Variants in KIF13B observed in about 807,000 individuals in gnomAD.
KIF13B encodes kinesin family member 13B, also known as kinesin-like protein KIF13B.
In KIF13B, 127 loss-of-function variants were observed where a neutral mutation model predicts 222.0. The ratio of observed to expected loss-of-function variants is 0.57; its 90% confidence interval spans 0.50 to 0.66. KIF13B has a LOEUF of 0.66. KIF13B is among the 30% of genes least tolerant of loss of function. The pLI is 0.00. For synonymous variants in KIF13B, 976 were observed against 919.0 expected, an observed-to-expected ratio of 1.06 and a Z score of -1.12; for missense variants, 2,173 against 2,379.0, an observed-to-expected ratio of 0.91 and a Z score of 1.80.
At chr8:29,229,017 T>A (rs1234706778) in intron 2 of KIF13B, among the ~76,000 whole-genome samples, 2 of 149,164 alleles carry the variant, frequency 1.3e-5, no homozygotes, top group Non-Finnish European at 3.0e-5. Flanking sequence ...TCTATGGTTG[T>A]TGAATGAATT....
intron 10 of KIF13B, among the ~76,000 whole-genome samples, chr8:29,170,067 C>T (rs1311770549): frequency 6.6e-6 from 1 of 152,198 alleles, no homozygotes; most frequent in Non-Finnish European, 1.5e-5. Context: ...TTAAAAATGA[C>T]CTCATGCCAT....
chr8:29,155,394 G>A (rs2130062920), intron 14 of KIF13B, among the ~76,000 whole-genome samples: 1 of 152,312 alleles, frequency 6.6e-6, no homozygotes, highest in South Asian at 2.1e-4. Context: ...CTGAGGAGGA[G>A]GAGATAAACT....
chr8:29,079,309 G>A (rs570472446), intron 37 of KIF13B, among the ~76,000 whole-genome samples: 2 of 152,058 alleles, frequency 1.3e-5, no homozygotes, highest in African/African-American at 2.4e-5. Flanking sequence ...TGCAACTGCA[G>A]GGAGCAGCGC....
rs201417472 is a variant in KIF13B, at chr8:29,176,050, GA to G, written c.945+17del. On this transcript the variant is annotated intron_variant, in intron 10 of 39. Transcript: ENST00000524189. ...AACCACCAAAAGTATGCCAGGAAGG[GA>G]AAAAAAACAAACTTACTTTGAGCAG... 14 of 1,488,526 alleles carry G rather than the reference GA, an allele frequency of 9.4e-6. No individual in the cohort carries two copies. The highest frequency in any genetic ancestry group is 3.4e-5 in the Admixed American group (2 of 58,822). The allele number at this position is 1,488,526 out of a possible 1,614,324, so 92.2% of individuals were successfully genotyped here.
chr8:29,082,115 G>A (rs1476843373), intron 37 of KIF13B, among the ~76,000 whole-genome samples: 1 of 152,212 alleles, frequency 6.6e-6, no homozygotes, highest in Non-Finnish European at 1.5e-5. Flanking sequence ...GGTAGGCACT[G>A]GGGGTGCAGT....
intron 3 of KIF13B, among the ~76,000 whole-genome samples, chr8:29,191,997 C>T (rs1269670683): frequency 3.3e-5 from 5 of 152,168 alleles, no homozygotes; most frequent in Non-Finnish European, 7.3e-5. Context: ...TGTTAGTTTG[C>T]AGGTACATCT....
intron 1 of KIF13B, among the ~76,000 whole-genome samples, chr8:29,253,327 G>C (rs773942607): frequency 6.6e-6 from 1 of 151,784 alleles, no homozygotes; most frequent in African/African-American, 2.4e-5. Context: ...CTGGGCAACA[G>C]AGCAAGACCC....
At chr8:29,214,552 T>C (rs531960795) in intron 2 of KIF13B, among the ~76,000 whole-genome samples, 3 of 152,304 alleles carry the variant, frequency 2.0e-5, no homozygotes, top group East Asian at 1.9e-4. Context: ...CCTTCTTTTG[T>C]AGTAACTCCT....
chr8:29,206,065 G>A (rs1355741552), intron 2 of KIF13B, among the ~76,000 whole-genome samples: 3 of 152,026 alleles, frequency 2.0e-5, no homozygotes, highest in East Asian at 1.9e-4. Context: ...AACTCTAGTC[G>A]GGATAACAGA....
chr8:29,113,410 T>G (rs1236345993), intron 32 of KIF13B, 53 bp downstream of exon 32: 1 of 1,091,120 alleles, frequency 9.2e-7, no homozygotes, highest in African/African-American at 1.6e-5. Context: ...TTTCAGGGAG[T>G]TGGCTCTTTT....
chr8:29,255,723 T>C (rs1320917752), intron 1 of KIF13B, among the ~76,000 whole-genome samples: 1 of 152,228 alleles, frequency 6.6e-6, no homozygotes, highest in Admixed American at 6.5e-5. Flanking sequence ...CAATACCAAT[T>C]AATTCGTTTC....
intron 12 of KIF13B, among the ~76,000 whole-genome samples, chr8:29,163,073 C>T (rs1811851303): frequency 6.6e-6 from 1 of 152,188 alleles, no homozygotes; most frequent in African/African-American, 2.4e-5. Flanking sequence ...GTTTTGATTT[C>T]ACTTAAGTGT....
chr8:29,131,007 A>G (rs1810318636), intron 23 of KIF13B, among the ~76,000 whole-genome samples: 1 of 152,204 alleles, frequency 6.6e-6, no homozygotes, highest in Non-Finnish European at 1.5e-5. Flanking sequence ...AAACAAAATC[A>G]TATCCCTTGC....
rs1165365147 is a variant in KIF13B at position 29,069,973 on chromosome 8, G to A, written c.*531C>T. On this transcript the variant is annotated 3_prime_UTR_variant, in exon 40 of 40. Transcript: ENST00000524189. ...GGCACTTGTGGAACCTGGGACCAGG[G>A]TGGGAGGCTGGGGGGTCCCCCAGAG... is the stretch of plus-strand genomic sequence containing the variant. The A allele has an allele frequency of 6.4e-6, 1 of 155,240 alleles. No individual in the cohort carries two copies. Among genetic ancestry groups the A allele is most frequent in the Non-Finnish European group, 1.4e-5 (1 of 70,612 alleles). The allele number at this position is 155,240 out of a possible 1,614,324, so 9.6% of individuals were successfully genotyped here. A position where few individuals can be genotyped will look rare whatever the true frequency, so the allele number is the denominator to read the frequency against.
At chr8:29,126,961 A>T (rs909483210) in intron 25 of KIF13B, among the ~76,000 whole-genome samples, 161 bp downstream of exon 25, 3 of 152,218 alleles carry the variant, frequency 2.0e-5, no homozygotes, top group Non-Finnish European at 4.4e-5. Context: ...AGTCCGATGC[A>T]GTGATTCCAT....
intron 31 of KIF13B, among the ~76,000 whole-genome samples, chr8:29,114,676 G>A (rs936667162): frequency 2.6e-5 from 4 of 152,176 alleles, no homozygotes; most frequent in African/African-American, 9.7e-5. Context: ...ATCTGAAATT[G>A]AGAGAGAAAA....
chr8:29,071,529 TG>T lies in KIF13B; in HGVS notation c.5218+90del. The T allele has an allele frequency of 8.2e-7, 1 of 1,221,436 alleles. No homozygotes were observed. Among genetic ancestry groups the T allele is most frequent in the Non-Finnish European group, 1.2e-6 (1 of 867,440 alleles). The allele number at this position is 1,221,436 out of a possible 1,614,324, so 75.7% of individuals were successfully genotyped here. A position where few individuals can be genotyped will look rare whatever the true frequency, so the allele number is the denominator to read the frequency against. On this transcript the variant is annotated intron_variant, in intron 39 of 39. Transcript: ENST00000524189. The surrounding 1 kb of genome is among the most constrained non-coding windows in gnomAD (Gnocchi z 4.9). ...GCTGCCTCCCGGCCCCTCCCTCTCC[TG>T]CCCGGACCCTGTCCCCTCCCAGGCC...
chr8:29,166,140 T>C (rs1337456528), intron 11 of KIF13B, among the ~76,000 whole-genome samples: 1 of 152,214 alleles, frequency 6.6e-6, no homozygotes, highest in African/African-American at 2.4e-5. Context: ...ACTTCAGGAA[T>C]TTATCCACAT....
chr8:29,246,306 G>A (rs997676725), intron 1 of KIF13B, among the ~76,000 whole-genome samples: 4 of 151,908 alleles, frequency 2.6e-5, no homozygotes, highest in Non-Finnish European at 5.9e-5. Context: ...GAACCCAGGA[G>A]GCAGAGGTTG....
Sources: allele counts gnomAD v4.1 joint callset (sites outside exome capture counted in the v4.1 genomes callset), GRCh38; gene constraint gnomAD v4.1.1; non-coding constraint Gnocchi (gnomAD v3.1); transcripts MANE v1.5; gene names NCBI Gene and HGNC (gene_info 2026-07-23, HGNC 2026-07-21).